PTPN13: variants seen among roughly 807,000 people sequenced by gnomAD.
PTPN13 encodes protein tyrosine phosphatase non-receptor type 13.
PTPN13 carries 191 observed loss-of-function variants against 284.0 expected under a neutral mutation model. The ratio of observed to expected loss-of-function variants is 0.67; its 90% CI spans 0.60 to 0.76. The LOEUF (loss-of-function observed/expected upper bound fraction) is 0.76. Ranked by LOEUF, PTPN13 falls within the 30% of genes least tolerant of loss-of-function variation. The pLI is 0.00. For missense variants in PTPN13, 2,797 were observed against 2,939.9 expected (o/e 0.95, Z 1.12); for synonymous variants, 986 against 1,022.3 (o/e 0.96, Z 0.68).
chr4:86,766,234 A>T (rs1739297804), intron 26 of PTPN13, among the ~76,000 whole-genome samples, 198 bp from the exon 27 acceptor site: 1 of 152,244 alleles, frequency 6.6e-6, no homozygotes, highest in African/African-American at 2.4e-5. Flanking sequence ...TTTTATAAAG[A>T]TACTGTTCTA....
intron 15 of PTPN13, among the ~76,000 whole-genome samples, chr4:86,736,222 G>T (rs1045961666): frequency 1.3e-5 from 2 of 152,084 alleles, no homozygotes; most frequent in African/African-American, 4.8e-5. Context: ...CACAAAAATT[G>T]ACTTATTAGT....
chr4:86,705,498 C>A (rs1731659610), intron 7 of PTPN13, among the ~76,000 whole-genome samples: 1 of 150,736 alleles, frequency 6.6e-6, no homozygotes, highest in South Asian at 2.1e-4. Context: ...TGTGATAAAT[C>A]AAGCAGAACT....
intron 7 of PTPN13, among the ~76,000 whole-genome samples, chr4:86,705,828 TA>T (rs1178952087): frequency 1.7e-3 from 239 of 142,974 alleles, no homozygotes; most frequent in Middle Eastern, 3.5e-3. Flanking sequence ...ACATGTGACT[TA>T]AAAAAAAAAA....
rs1401596216 is a variant in PTPN13, at chr4:86,732,602, G to A, written c.1694G>A (p.Gly565Glu). 3 of 1,612,388 alleles carry A rather than the reference G, an allele frequency of 1.9e-6. No individual in the cohort carries two copies. Among genetic ancestry groups the A allele is most frequent in the Admixed American group, 3.3e-5 (2 of 59,818 alleles). The change falls in exon 12 of 48, where the codon GGG becomes GAG. Residue 565 changes from glycine to glutamate, a missense_variant. Transcript: ENST00000411767. ...TTTTTTCAATTGTAGACTAAGAAAG[G>A]GAAGAATGAGGATAACCGAAGGAAA... ...DLPRSILTKKGKNEDNRRKVN... is the reference protein window; with the variant it reads ...DLPRSILTKKEKNEDNRRKVN...
intron 9 of PTPN13, among the ~76,000 whole-genome samples, chr4:86,718,047 T>C (rs1469249026): frequency 6.6e-6 from 1 of 152,202 alleles, no homozygotes; most frequent in African/African-American, 2.4e-5. Context: ...TTGATTTATG[T>C]TGTTTAAACT....
intron 35 of PTPN13, 135 bp from the exon 36 acceptor site, chr4:86,780,267 G>C: frequency 1.5e-6 from 1 of 688,478 alleles, no homozygotes. Flanking sequence ...GGGCATGGTG[G>C]CACATGCCTG....
At chr4:86,642,533 A>G (rs1467881274) in intron 2 of PTPN13, among the ~76,000 whole-genome samples, 1 of 132,874 alleles carries the variant, frequency 7.5e-6, no homozygotes, top group Non-Finnish European at 1.5e-5. Context: ...GCTCACTGCA[A>G]CCTCCACCTC....
At chr4:86,790,792 AT>A (rs901651937) in intron 40 of PTPN13, among the ~76,000 whole-genome samples, 4 of 152,168 alleles carry the variant, frequency 2.6e-5, no homozygotes, top group African/African-American at 9.7e-5. Context: ...GGAATTTCCT[AT>A]TTGTTAAGAA....
In PTPN13 at chr4:86,717,100, C is replaced by T. The variant is rs776775557; in HGVS notation, c.1368C>T (p.Gly456=). 1 of 1,611,256 alleles carries T rather than the reference C, an allele frequency of 6.2e-7. No homozygotes were observed. Among genetic ancestry groups the T allele is most frequent in the Admixed American group, 1.7e-5 (1 of 59,914 alleles). ...LPGVDETLSQ[G]QSQRPSRQYE... ...GGGTAGATGAAACCTTAAGTCAAGG[C>T]CAGTCACAGAGACCGAGGTATGTCA... Residue 456 remains glycine, a synonymous_variant, in exon 9 of 48, where the codon GGC becomes GGT. Coordinates refer to ENST00000411767, the MANE Select transcript of PTPN13 (RefSeq NM_080683.3).
rs1182087629 is a variant in PTPN13 at position 86,770,216 on chromosome 4, G to C, written c.4803+17G>C. ...GCGCTTTTGGTGAGACTTATGAAAA[G>C]TAATTTACAGTTTTATAGAATATCA... On this transcript the variant is annotated intron_variant, in intron 30 of 47. Coordinates refer to ENST00000411767, the MANE Select transcript of PTPN13 (RefSeq NM_080683.3). 1 of 1,588,400 alleles carries C rather than the reference G, an allele frequency of 6.3e-7. No homozygotes were observed. The highest frequency in any genetic ancestry group is 8.6e-7 in the Non-Finnish European group (1 of 1,159,228).
At chr4:86,745,410 C>A (rs544213158) in intron 17 of PTPN13, among the ~76,000 whole-genome samples, 97 of 152,284 alleles carry the variant, frequency 6.4e-4, no homozygotes, top group Admixed American at 6.5e-4. Context: ...GCCATGTTCT[C>A]TACCCTCAGT....
At chr4:86,752,383 G>A (rs1029157506) in intron 19 of PTPN13, among the ~76,000 whole-genome samples, 17 of 151,968 alleles carry the variant, frequency 1.1e-4, no homozygotes, top group African/African-American at 3.9e-4. Flanking sequence ...GTAGGCTTTC[G>A]CAACTTTCAG....
At chr4:86,769,668 T>C in intron 28 of PTPN13, 101 bp from the exon 29 acceptor site, 1 of 759,108 alleles carries the variant, frequency 1.3e-6, no homozygotes, top group Non-Finnish European at 2.1e-6. Flanking sequence ...TACGGGAAAA[T>C]GGGCTTTTAA....
At chr4:86,799,387 A>G (rs973806490) in intron 42 of PTPN13, among the ~76,000 whole-genome samples, 183 bp downstream of exon 42, 10 of 122,728 alleles carry the variant, frequency 8.1e-5, no homozygotes, top group Non-Finnish European at 1.7e-4. Context: ...GCTCACTACA[A>G]CCACCACCTC....
chr4:86,780,070 C>T (rs933312343), intron 35 of PTPN13, among the ~76,000 whole-genome samples: 7 of 152,008 alleles, frequency 4.6e-5, no homozygotes, highest in African/African-American at 7.2e-5. Context: ...AGAAAACCTA[C>T]GTAAAGAAGT....
intron 26 of PTPN13, 113 bp downstream of exon 26, chr4:86,765,601 C>A: frequency 1.4e-6 from 1 of 709,524 alleles, no homozygotes. Flanking sequence ...TAAGAACATA[C>A]TCAATTATAA....
chr4:86,618,242 T>A (rs574149545), intron 1 of PTPN13, among the ~76,000 whole-genome samples: 1 of 152,330 alleles, frequency 6.6e-6, no homozygotes, highest in South Asian at 2.1e-4. Flanking sequence ...GTTGTAGATA[T>A]GTGGCATTAT....
At chr4:86,698,888 A>G (rs1730844677) in intron 6 of PTPN13, among the ~76,000 whole-genome samples, 1 of 152,336 alleles carries the variant, frequency 6.6e-6, no homozygotes, top group South Asian at 2.1e-4. Flanking sequence ...TGGTTTGACT[A>G]TGGGAGATAC....
intron 3 of PTPN13, among the ~76,000 whole-genome samples, chr4:86,677,270 A>AAAC (rs969927522): frequency 6.6e-6 from 1 of 151,894 alleles, no homozygotes; most frequent in African/African-American, 2.4e-5. Flanking sequence ...CTGTCTCAAA[A>AAAC]AACAACAACA....
Sources: gnomAD v4.1 joint callset for allele counts (sites outside exome capture counted in the v4.1 genomes callset) on GRCh38, gnomAD v4.1.1 for gene constraint, MANE v1.5 for transcripts, NCBI Gene and HGNC (gene_info 2026-07-23, HGNC 2026-07-21) for gene names.